ATP2B2: variants seen among roughly 807,000 people sequenced by gnomAD.
ATP2B2 encodes the protein ATPase plasma membrane Ca2+ transporting 2.
Under a neutral mutation model 120.0 loss-of-function variants are expected in ATP2B2, and 15 were observed. That is an observed-to-expected ratio of 0.12 (90% CI 0.08 to 0.19). ATP2B2 has a LOEUF of 0.19. ATP2B2 is among the 10% of genes least tolerant of loss of function. The pLI is 1.00. For missense variants in ATP2B2, 1,045 were observed against 1,719.8 expected (o/e 0.61, Z 6.94); for synonymous variants, 694 against 700.3 (o/e 0.99, Z 0.14).
At chr3:10,556,256 G>T (rs1262659913) in intron 2 of ATP2B2, among the ~76,000 whole-genome samples, 2 of 152,136 alleles carry the variant, frequency 1.3e-5, no homozygotes, top group Non-Finnish European at 2.9e-5. Flanking sequence ...TCCAGGCCAG[G>T]GATATGTCTG....
At chr3:10,537,886 A>C (rs2067353304) in intron 2 of ATP2B2, among the ~76,000 whole-genome samples, 1 of 152,164 alleles carries the variant, frequency 6.6e-6, no homozygotes, top group Admixed American at 6.5e-5. Context: ...CTTTTCCTAC[A>C]TTGATGGATA....
At chr3:10,698,095 G>A (rs2071765381) in intron 1 of ATP2B2, among the ~76,000 whole-genome samples, 1 of 152,224 alleles carries the variant, frequency 6.6e-6, no homozygotes, top group Admixed American at 6.5e-5. Context: ...AACTGACTCA[G>A]AGATAAGTCC....
At chr3:10,581,585 G>A (rs2068391485) in intron 2 of ATP2B2, among the ~76,000 whole-genome samples, 2 of 152,256 alleles carry the variant, frequency 1.3e-5, no homozygotes, top group Non-Finnish European at 2.9e-5. Context: ...GGCAGGAGGA[G>A]AAGGGAAATG....
At chr3:10,625,736 C>T (rs2069679802) in intron 1 of ATP2B2, among the ~76,000 whole-genome samples, 1 of 152,154 alleles carries the variant, frequency 6.6e-6, no homozygotes, top group African/African-American at 2.4e-5. Context: ...AGCAGGGACC[C>T]CCTCCCATTG....
At chr3:10,633,137 C>A (rs555137038) in intron 1 of ATP2B2, among the ~76,000 whole-genome samples, 1 of 152,316 alleles carries the variant, frequency 6.6e-6, no homozygotes, top group South Asian at 2.1e-4. Flanking sequence ...CACCTCCCAG[C>A]TGTGTGACCT....
At chr3:10,421,941 C>G (rs1009115923) in intron 2 of ATP2B2, among the ~76,000 whole-genome samples, 1 of 152,220 alleles carries the variant, frequency 6.6e-6, no homozygotes, top group Non-Finnish European at 1.5e-5. Flanking sequence ...ACAATCTGTC[C>G]TCATCCTCCC....
At chr3:10,685,497 TGAGA>T (rs146989049) in intron 1 of ATP2B2, among the ~76,000 whole-genome samples, 9,811 of 150,160 alleles carry the variant, frequency 0.065, 509 homozygotes, top group East Asian at 0.31. Context: ...CTCACTTGCC[TGAGA>T]GAGAGAGAGA....
At chr3:10,671,136 T>C (rs2071084797) in intron 1 of ATP2B2, among the ~76,000 whole-genome samples, 2 of 152,226 alleles carry the variant, frequency 1.3e-5, no homozygotes, top group Non-Finnish European at 2.9e-5. Context: ...TGAATCACAC[T>C]ATCCTGGAGA....
chr3:10,484,569 TC>T (rs984792930), intron 1 of ATP2B2, among the ~76,000 whole-genome samples: 2 of 152,074 alleles, frequency 1.3e-5, no homozygotes, highest in African/African-American at 4.8e-5. Context: ...TCCCCAGGCT[TC>T]CCATGCTGCG....
chr3:10,551,703 G>A (rs927016564), intron 2 of ATP2B2, among the ~76,000 whole-genome samples: 2 of 152,212 alleles, frequency 1.3e-5, no homozygotes, highest in Non-Finnish European at 2.9e-5. Flanking sequence ...AGAACACAAT[G>A]TATCAATCAT....
At chr3:10,531,433 C>T (rs116790966) in intron 3 of ATP2B2, among the ~76,000 whole-genome samples, 49 of 152,326 alleles carry the variant, frequency 3.2e-4, no homozygotes, top group African/African-American at 1.2e-3. Context: ...GGGATTAACA[C>T]TGAACACTCT....
At chr3:10,569,119 T>C (rs978426791) in intron 2 of ATP2B2, among the ~76,000 whole-genome samples, 2 of 152,088 alleles carry the variant, frequency 1.3e-5, no homozygotes, top group Non-Finnish European at 2.9e-5. Flanking sequence ...GAGCTCACAC[T>C]CCAGGGAGTA....
At chr3:10,629,515 T>A (rs1313385465) in intron 1 of ATP2B2, among the ~76,000 whole-genome samples, 4 of 152,206 alleles carry the variant, frequency 2.6e-5, no homozygotes, top group Non-Finnish European at 4.4e-5. Context: ...CTCCGGTGCT[T>A]GGGAGACCAC....
intron 1 of ATP2B2, among the ~76,000 whole-genome samples, chr3:10,670,670 C>T (rs2071073286): frequency 6.6e-6 from 1 of 152,162 alleles, no homozygotes; most frequent in Non-Finnish European, 1.5e-5. Context: ...ATCCGCCTGC[C>T]TTGGCCTCCC....
At chr3:10,471,758 T>C (rs928608079) in intron 1 of ATP2B2, among the ~76,000 whole-genome samples, 1 of 152,110 alleles carries the variant, frequency 6.6e-6, no homozygotes, top group African/African-American at 2.4e-5. Flanking sequence ...CCCCCATAAA[T>C]GTATACAATT....
chr3:10,505,796 G>C (rs1215201390), upstream of ATP2B2: 1 of 141,990 alleles, frequency 7.0e-6, no homozygotes, highest in Non-Finnish European at 1.6e-5. Context: ...AGAGTGGGGG[G>C]CGGGGGGGGT....
intron 2 of ATP2B2, among the ~76,000 whole-genome samples, chr3:10,584,419 G>A (rs1227556319): frequency 6.6e-6 from 1 of 152,148 alleles, no homozygotes; most frequent in Non-Finnish European, 1.5e-5. Flanking sequence ...CAGCCCACAA[G>A]TGTCCCCACA....
rs148446114 is a variant in ATP2B2, at chr3:10,484,753, C to T, written c.-320+20712G>A. Among the ~76,000 whole-genome samples the T allele has an allele frequency of 1.9e-3, 290 of 152,274 alleles. 3 individuals are homozygous for T. Among genetic ancestry groups the T allele is most frequent in the African/African-American group, 6.9e-3 (286 of 41,530 alleles). ...CCTCCAGATGCAGAAAGAAATCTTA[C>T]ACACCAGAGGCCCATGATATAATAC... On this transcript the variant is annotated intron_variant, in intron 1 of 22. Transcript: ENST00000360273.
At chr3:10,535,418 T>C (rs947099925) in intron 2 of ATP2B2, among the ~76,000 whole-genome samples, 8 of 148,296 alleles carry the variant, frequency 5.4e-5, no homozygotes, top group African/African-American at 2.0e-4. Flanking sequence ...TGTGTGTGTG[T>C]AGCTCTATGA....
Sources: allele counts gnomAD v4.1 joint callset (sites outside exome capture counted in the v4.1 genomes callset), GRCh38; gene constraint gnomAD v4.1.1; transcripts MANE v1.5; gene names NCBI Gene and HGNC (gene_info 2026-07-23, HGNC 2026-07-21).